The following SDHA variants were observed in gnomAD, a reference collection of about 807,000 sequenced individuals.
SDHA encodes the protein succinate dehydrogenase complex flavoprotein subunit A, also known as succinate dehydrogenase [ubiquinone] flavoprotein subunit, mitochondrial.
Under a neutral mutation model 78.4 loss-of-function variants are expected in SDHA, and 48 were observed. The ratio of observed to expected loss-of-function variants is 0.61; its 90% CI spans 0.49 to 0.78. The LOEUF (loss-of-function observed/expected upper bound fraction) is 0.78. SDHA is among the 30% of genes least tolerant of loss of function. The pLI, the probability that SDHA is intolerant of heterozygous loss-of-function variation, is 0.00. For missense variants in SDHA, 680 were observed against 892.7 expected, an observed-to-expected ratio of 0.76 and a Z score of 3.04; for synonymous variants, 326 against 353.9, an observed-to-expected ratio of 0.92 and a Z score of 0.88.
rs1736771170 is a variant in SDHA, at chr5:250,792, A to G, written c.1552-200A>G. ...TCTAAGATGTGTATGTAATAGAAAC[A>G]TTTATTTATTCAGAAGCTTTAGTCA... On this transcript the variant is annotated intron_variant, in intron 11 of 14. Coordinates refer to ENST00000264932, the MANE Select transcript of SDHA (RefSeq NM_004168.4). 6 of 597,508 alleles carry G rather than the reference A, an allele frequency of 1.0e-5. No homozygotes were observed. The Admixed American group carries it at 1.6e-4, about 16-fold the overall frequency. 37.0% of individuals were successfully genotyped at this position (597,508 alleles called of 1,614,324 possible).
chr5:262,187 C>G, the SDHA span, among the ~76,000 whole-genome samples: 1 of 119,576 alleles, frequency 8.4e-6, no homozygotes, highest in East Asian at 2.3e-4. Flanking sequence ...AGCTCCGCCT[C>G]CCGCCAGAGC....
At position 232,382 on chromosome 5, in the gene SDHA, C is replaced by T. The variant is rs1377751126; in HGVS notation, c.896-1095C>T. Among the ~76,000 whole-genome samples the T allele has an allele frequency of 9.2e-5, 14 of 152,028 alleles. No individual in the cohort carries two copies. In the East Asian group the frequency reaches 2.1e-3, roughly 23 times the overall value. ...TGTGTTACCATGCCCAGCTAATTTTCGAGGGTTTTTTCGTTTTTGGTAGAG... is the reference window on the plus strand; with the variant it reads ...TGTGTTACCATGCCCAGCTAATTTTTGAGGGTTTTTTCGTTTTTGGTAGAG... On this transcript the variant is annotated intron_variant, in intron 7 of 14. Transcript: ENST00000264932.
In SDHA at chr5:252,637, C is replaced by T. The variant is rs368404297; in HGVS notation, c.1794+1169C>T. On this transcript the variant is annotated intron_variant, in intron 13 of 14. Transcript: ENST00000264932. Reference sequence around the variant, plus strand: ...GCCAGTTTATTAACGAGTAAGCCACCGTTTCAAACCTGCCCTGTGGAGGAA... The same window carrying T: ...GCCAGTTTATTAACGAGTAAGCCACTGTTTCAAACCTGCCCTGTGGAGGAA... 3.7e-4 allele frequency among the ~76,000 whole-genome samples: 54 copies of T among 145,110 alleles called. No individual in the cohort carries two copies. In the South Asian group the frequency reaches 0.01, roughly 27 times the overall value.
At chr5:221,901 G>T (rs1734736088) in intron 1 of SDHA, among the ~76,000 whole-genome samples, 1 of 152,030 alleles carries the variant, frequency 6.6e-6, no homozygotes, top group Non-Finnish European at 1.5e-5. Context: ...TGTGTGTGTG[G>T]TGGGGGGTGG....
chr5:262,285 CGACAGAGCATTACCG>C, the SDHA span, among the ~76,000 whole-genome samples: 3 of 103,780 alleles, frequency 2.9e-5, no homozygotes, highest in African/African-American at 1.8e-4. Flanking sequence ...CTCCGCCTCC[CGACAGAGCATTACCG>C]TGTGAGCTCC....
At chr5:233,853 G>A in intron 8 of SDHA, 1 of 545,164 alleles carries the variant, frequency 1.8e-6, no homozygotes, top group Admixed American at 3.0e-5. Flanking sequence ...TCTCAAATCT[G>A]TGGAACAGAG....
At chr5:266,003 G>A in the SDHA span, among the ~76,000 whole-genome samples, 1 of 92,132 alleles carries the variant, frequency 1.1e-5, no homozygotes, top group Non-Finnish European at 1.9e-5. Context: ...TCAGTCCTGG[G>A]GGAACCCCAC....
Position 233,505 on chromosome 5 carries a change from G to T in SDHA, c.924G>T (p.Thr308=). The change falls in exon 8 of 15, where the codon ACG becomes ACT. Residue 308 remains threonine, a synonymous_variant. Transcript: ENST00000264932. ...TATATGGTGCTGGTTGTCTCATTAC[G>T]GAAGGATGTCGTGGAGAGGGAGGCA... ...TGIYGAGCLI[T]EGCRGEGGIL... is the part of the protein sequence containing the mutation. 1 of 1,614,184 alleles carries T rather than the reference G, an allele frequency of 6.2e-7. No individual in the cohort carries two copies. The highest frequency in any genetic ancestry group is 1.1e-5 in the South Asian group (1 of 91,078).
intron 11 of SDHA, among the ~76,000 whole-genome samples, chr5:247,336 G>C (rs913682852): frequency 1.3e-5 from 2 of 152,212 alleles, no homozygotes; most frequent in Non-Finnish European, 2.9e-5. Flanking sequence ...GTTAGGAGTA[G>C]AATGCACCCT....
chr5:235,106 C>T (rs1285240376), intron 8 of SDHA, 38 bp from the exon 9 acceptor site: 11 of 1,600,368 alleles, frequency 6.9e-6, no homozygotes, highest in East Asian at 6.7e-5. Context: ...CTGCCGTTGC[C>T]GTTCTCTGCC....
intron 11 of SDHA, among the ~76,000 whole-genome samples, chr5:248,770 T>C (rs1442555160): frequency 5.9e-5 from 9 of 152,200 alleles, no homozygotes; most frequent in Admixed American, 5.9e-4. Context: ...GATGTTTAGC[T>C]TGAATTGCAC....
intron 10 of SDHA, among the ~76,000 whole-genome samples, chr5:237,825 ACT>A (rs1346405893): frequency 7.3e-6 from 1 of 136,680 alleles, no homozygotes; most frequent in Non-Finnish European, 1.5e-5. Context: ...TACTTCAGAC[ACT>A]CTGTCTCTGG....
chr5:225,620 T>C, intron 4 of SDHA, 58 bp downstream of exon 4: 1 of 1,611,290 alleles, frequency 6.2e-7, no homozygotes, highest in Non-Finnish European at 8.5e-7. Context: ...AAAAGAATCC[T>C]GGAAAAAAAT....
rs777460646 is a variant in SDHA at position 256,466 on chromosome 5, A to G, written c.*46A>G. On this transcript the variant is annotated 3_prime_UTR_variant, in exon 15 of 15. Transcript: ENST00000264932. ...ACAGAATCAGCTTTTGTAATTATGTATAATAGCTCATGCATGTGTCCATGT... is the reference window on the plus strand; with the variant it reads ...ACAGAATCAGCTTTTGTAATTATGTGTAATAGCTCATGCATGTGTCCATGT... 13 of 1,401,858 alleles carry G rather than the reference A, an allele frequency of 9.3e-6. No homozygotes were observed. Among genetic ancestry groups the G allele is most frequent in the African/African-American group, 1.4e-5 (1 of 69,396 alleles). The allele number at this position is 1,401,858 out of a possible 1,614,324, so 86.8% of individuals were successfully genotyped here. A position where few individuals can be genotyped will look rare whatever the true frequency, so the allele number is the denominator to read the frequency against.
chr5:249,162 T>C (rs951322562), intron 11 of SDHA: 2 of 383,652 alleles, frequency 5.2e-6, no homozygotes, highest in Non-Finnish European at 9.8e-6. Flanking sequence ...TCCATTAAAA[T>C]GGATAAAAAC....
chr5:258,622 CCG>C (rs1737365527), downstream of SDHA, among the ~76,000 whole-genome samples: 2 of 99,436 alleles, frequency 2.0e-5, no homozygotes, highest in African/African-American at 4.1e-5. Context: ...CAGAGCATTA[CCG>C]TGTGAGCTCC....
intron 10 of SDHA, 138 bp downstream of exon 10, chr5:236,737 A>T: frequency 1.2e-6 from 1 of 846,372 alleles, no homozygotes; most frequent in South Asian, 1.5e-5. Context: ...TCCCGGGCTC[A>T]AGCAGTCTTC....
chr5:255,655 C>T (rs1003235614), intron 14 of SDHA, among the ~76,000 whole-genome samples: 2 of 152,046 alleles, frequency 1.3e-5, no homozygotes, highest in African/African-American at 4.8e-5. Context: ...GTTGCCCAGG[C>T]TAGTCTTGAA....
chr5:264,764 T>A, the SDHA span, among the ~76,000 whole-genome samples: 13 of 152,202 alleles, frequency 8.5e-5, no homozygotes, highest in Non-Finnish European at 2.9e-5. Context: ...GTATGCAGAT[T>A]TAGTGAGCCA....
Sources: gnomAD v4.1 joint callset for allele counts (sites outside exome capture counted in the v4.1 genomes callset) on GRCh38, gnomAD v4.1.1 for gene constraint, MANE v1.5 for transcripts, NCBI Gene and HGNC (gene_info 2026-07-23, HGNC 2026-07-21) for gene names.